NTRK2: variants seen among roughly 807,000 people sequenced by gnomAD.
NTRK2 encodes BDNF/NT-3 growth factors receptor.
NTRK2 carries 13 observed loss-of-function variants against 94.5 expected under a neutral mutation model. The observed-to-expected ratio is 0.14, with a 90% CI of 0.09 to 0.22. The LOEUF (loss-of-function observed/expected upper bound fraction) is 0.22, where lower values mean the gene tolerates loss of function less well. Among genes scored for constraint, NTRK2 ranks in the 10% least tolerant of loss-of-function variants. The probability of loss-of-function intolerance (pLI) is 1.00; values close to 1 mark genes in which losing one functional copy is unlikely to be tolerated. For synonymous variants in NTRK2, 372 were observed against 407.4 expected, an observed-to-expected ratio of 0.91 and a Z score of 1.05; for missense variants, 639 against 1,071.2, an observed-to-expected ratio of 0.60 and a Z score of 5.63.
intron 12 of NTRK2, among the ~76,000 whole-genome samples, chr9:84,818,915 C>T (rs969643341): frequency 6.6e-6 from 1 of 152,190 alleles, no homozygotes; most frequent in Non-Finnish European, 1.5e-5. Context: ...AGAGCAGCGT[C>T]GGAGCTGCTT....
chr9:84,945,158 G>C (rs4877891), intron 15 of NTRK2, among the ~76,000 whole-genome samples: 9,248 of 152,198 alleles, frequency 0.061, 370 homozygotes, highest in Admixed American at 0.12. Flanking sequence ...CTTTCACTTG[G>C]TTTCTTTTCC....
intron 4 of NTRK2, among the ~76,000 whole-genome samples, chr9:84,706,139 A>T (rs147409656): frequency 1.3e-5 from 2 of 152,272 alleles, no homozygotes; most frequent in East Asian, 3.9e-4. Context: ...ATGTGGGCAC[A>T]TTTTACAACT....
chr9:84,789,980 T>G (rs1197783490), intron 12 of NTRK2, among the ~76,000 whole-genome samples: 1 of 152,192 alleles, frequency 6.6e-6, no homozygotes, highest in Non-Finnish European at 1.5e-5. Context: ...GGATTTTCGT[T>G]CAAATGTTCC....
At position 84,867,421 on chromosome 9, in the gene NTRK2, G is replaced by A. The variant is rs373889692; in HGVS notation, c.1623G>A (p.Lys541=). The change falls in exon 14 of 19, where the codon AAG becomes AAA. Residue 541 remains lysine, a synonymous_variant. Coordinates refer to ENST00000277120, the MANE Select transcript of NTRK2 (RefSeq NM_006180.6). ...QYFGITNSQL[K]PDTFVQHIKR... is the part of the protein sequence containing the mutation. Reference sequence around the variant, plus strand: ...TTGGCATCACCAACAGTCAGCTCAAGCCAGACACATGTAAGTACAGCTGTT... The same window carrying A: ...TTGGCATCACCAACAGTCAGCTCAAACCAGACACATGTAAGTACAGCTGTT... The A allele has an allele frequency of 6.2e-7, 1 of 1,613,554 alleles. No homozygotes were observed. Among genetic ancestry groups the A allele is most frequent in the Non-Finnish European group, 8.5e-7 (1 of 1,179,520 alleles).
chr9:84,721,838 T>C (rs1488365588), intron 6 of NTRK2, among the ~76,000 whole-genome samples: 1 of 152,222 alleles, frequency 6.6e-6, no homozygotes, highest in Non-Finnish European at 1.5e-5. Flanking sequence ...AATTATCAAC[T>C]CTTGTGACTA....
intron 12 of NTRK2, among the ~76,000 whole-genome samples, chr9:84,821,322 C>A (rs62562449): frequency 1.3e-5 from 1 of 76,986 alleles, no homozygotes; most frequent in African/African-American, 3.9e-5. Context: ...CAAGAATTTA[C>A]ACACACACAC....
intron 9 of NTRK2, among the ~76,000 whole-genome samples, chr9:84,735,418 G>T (rs2063186724): frequency 1.3e-5 from 2 of 152,114 alleles, no homozygotes; most frequent in African/African-American, 4.8e-5. Context: ...CAGTACTGCT[G>T]GTCCATGGAT....
rs961052930 is a variant in NTRK2, at chr9:84,705,445, G to A, written c.360-2399G>A. ...TTCCCTCCCCTCTTCCTCCATTTTGGCTTTTGGCCCCAATAATAAGTATGG... is the reference window on the plus strand; with the variant it reads ...TTCCCTCCCCTCTTCCTCCATTTTGACTTTTGGCCCCAATAATAAGTATGG... On this transcript the variant is annotated intron_variant, in intron 4 of 18. Transcript: ENST00000277120. Among the ~76,000 whole-genome samples, 8 of 152,024 alleles carry A rather than the reference G, an allele frequency of 5.3e-5. 1 individual carries two copies. The highest frequency in any genetic ancestry group is 7.4e-5 in the Non-Finnish European group (5 of 68,000).
chr9:84,889,274 G>A (rs914445547), intron 14 of NTRK2, among the ~76,000 whole-genome samples: 1 of 150,592 alleles, frequency 6.6e-6, no homozygotes, highest in Non-Finnish European at 1.5e-5. Context: ...ACAGGCGTGA[G>A]CCACCGCGCC....
At chr9:84,983,618 G>T (rs1432815111) in intron 17 of NTRK2, among the ~76,000 whole-genome samples, 1 of 152,148 alleles carries the variant, frequency 6.6e-6, no homozygotes, top group East Asian at 1.9e-4. Flanking sequence ...TGTAAAAAGA[G>T]ACCTGAGCTG....
At chr9:84,989,983 A>G (rs541559674) in intron 17 of NTRK2, among the ~76,000 whole-genome samples, 83 of 152,306 alleles carry the variant, frequency 5.4e-4, no homozygotes, top group African/African-American at 1.9e-3. Context: ...CAAGTACAAT[A>G]TCCCAACATT....
chr9:84,702,349 A>G lies in NTRK2; in HGVS notation c.289A>G (p.Thr97Ala), dbSNP rs1193996829. The stretch of plus-strand genomic sequence containing the variant: ...GCATGAAATTATGTGTTTTCACAGG[A>G]CAATTGTGGATTCTGGATTAAAATT... ...VEAYVGLRNL[T>A]IVDSGLKFVA... Residue 97 changes from threonine (T) to alanine (A), a missense_variant and splice_region_variant, in exon 4 of 19, where the codon ACA becomes GCA. Physicochemically the swap from Thr to Ala is moderately conservative, Grantham distance 58 (BLOSUM62 0). Around this residue, in one of 5 missense-constraint regions of NTRK2, gnomAD observed 206 missense variants for 251.5 expected, o/e 0.82. Transcript: ENST00000277120. 1 of 1,614,062 alleles carries G rather than the reference A, an allele frequency of 6.2e-7. No homozygotes were observed. The highest frequency in any genetic ancestry group is 8.5e-7 in the Non-Finnish European group (1 of 1,180,014).
intron 14 of NTRK2, among the ~76,000 whole-genome samples, chr9:84,927,110 G>A (rs921241159): frequency 3.9e-5 from 6 of 152,158 alleles, no homozygotes; most frequent in Non-Finnish European, 5.9e-5. Flanking sequence ...AGAAGGGATC[G>A]CTGTGTTTTT....
intron 5 of NTRK2, among the ~76,000 whole-genome samples, chr9:84,710,200 G>A (rs1483102973): frequency 1.3e-5 from 2 of 152,184 alleles, no homozygotes; most frequent in Non-Finnish European, 2.9e-5. Flanking sequence ...CCCTGCTGAA[G>A]TTTGAGCTTA....
chr9:84,989,367 G>C (rs1426846332), intron 17 of NTRK2, among the ~76,000 whole-genome samples: 1 of 151,922 alleles, frequency 6.6e-6, no homozygotes, highest in African/African-American at 2.4e-5. Flanking sequence ...TTATTAACTA[G>C]ATATTTATGG....
At chr9:84,969,381 T>G (rs989631472) in intron 17 of NTRK2, among the ~76,000 whole-genome samples, 10 of 152,254 alleles carry the variant, frequency 6.6e-5, no homozygotes, top group African/African-American at 2.4e-4. Context: ...CCACACACAT[T>G]GCAGGAAAAG....
intron 12 of NTRK2, among the ~76,000 whole-genome samples, chr9:84,843,543 TC>T (rs956883458): frequency 7.2e-5 from 11 of 152,308 alleles, no homozygotes; most frequent in Admixed American, 2.0e-4. Context: ...AGTTGCATTT[TC>T]CCTGGAGATT....
At chr9:84,973,106 A>C (rs1000697432) in intron 17 of NTRK2, among the ~76,000 whole-genome samples, 3 of 152,242 alleles carry the variant, frequency 2.0e-5, no homozygotes, top group African/African-American at 7.2e-5. Context: ...ATAAGTATTT[A>C]AATAGCTTAA....
chr9:84,746,044 T>G (rs2064037901), intron 11 of NTRK2, among the ~76,000 whole-genome samples: 1 of 152,062 alleles, frequency 6.6e-6, no homozygotes, highest in South Asian at 2.1e-4. Context: ...TGTCCATATC[T>G]CCTTACCTCC....
Sources: allele counts gnomAD v4.1 joint callset (sites outside exome capture counted in the v4.1 genomes callset), GRCh38; gene constraint gnomAD v4.1.1; regional missense constraint gnomAD v4.1.1; transcripts MANE v1.5; gene names NCBI Gene and HGNC (gene_info 2026-07-23, HGNC 2026-07-21).